The following GAREM1 variants were observed in gnomAD, a reference collection of about 807,000 sequenced individuals.
GAREM1 encodes the protein GRB2 associated regulator of MAPK1 subtype 1, also known as GRB2-associated and regulator of MAPK protein 1.
In GAREM1, 26 loss-of-function variants were observed where a neutral mutation model predicts 71.3. The ratio of observed to expected loss-of-function variants is 0.36; its 90% CI spans 0.27 to 0.51. The LOEUF is 0.51. Among genes scored for constraint, GAREM1 ranks in the 20% least tolerant of loss-of-function variants. The pLI is 0.95. For missense variants in GAREM1, 1,026 were observed against 1,103.1 expected, an observed-to-expected ratio of 0.93 and a Z score of 0.99; for synonymous variants, 440 against 433.2, an observed-to-expected ratio of 1.02 and a Z score of -0.20.
chr18:32,405,959 A>G (rs2048361624), intron 1 of GAREM1, among the ~76,000 whole-genome samples: 1 of 152,194 alleles, frequency 6.6e-6, no homozygotes, highest in South Asian at 2.1e-4. Context: ...TAGCCTACCC[A>G]AACTAAAACA....
chr18:32,424,905 GCA>G (rs1380779616), intron 1 of GAREM1, among the ~76,000 whole-genome samples: 1 of 152,008 alleles, frequency 6.6e-6, no homozygotes, highest in Non-Finnish European at 1.5e-5. Context: ...TTGTAATTTG[GCA>G]CAGACAACAT....
intron 2 of GAREM1, among the ~76,000 whole-genome samples, chr18:32,332,713 C>T (rs635483): frequency 0.15 from 22,995 of 152,110 alleles, 1,817 homozygotes; most frequent in African/African-American, 0.2. Context: ...CACCATCTGA[C>T]GGGACACTGT....
chr18:32,430,329 A>G (rs2048611693), intron 1 of GAREM1, among the ~76,000 whole-genome samples: 1 of 152,256 alleles, frequency 6.6e-6, no homozygotes, highest in Admixed American at 6.5e-5. Flanking sequence ...TAGTAGTTTT[A>G]GAAACAGTGT....
At chr18:32,273,982 G>C (rs976292490) in intron 4 of GAREM1, among the ~76,000 whole-genome samples, 19 of 152,142 alleles carry the variant, frequency 1.2e-4, no homozygotes, top group African/African-American at 3.9e-4. Context: ...CAAGAATTTT[G>C]AGTGTCATTC....
intron 3 of GAREM1, among the ~76,000 whole-genome samples, chr18:32,294,087 CTT>C (rs1402725141): frequency 6.6e-6 from 1 of 152,138 alleles, no homozygotes; most frequent in Non-Finnish European, 1.5e-5. Flanking sequence ...ATAAAGTACA[CTT>C]TTGGGACATC....
At chr18:32,365,714 T>TCTGC (rs1358240621) in intron 2 of GAREM1, among the ~76,000 whole-genome samples, 5 of 152,178 alleles carry the variant, frequency 3.3e-5, no homozygotes, top group Non-Finnish European at 7.3e-5. Flanking sequence ...ATCTTCCAAC[T>TCTGC]CTGCCACCAG....
At chr18:32,350,769 A>T (rs576510066) in intron 2 of GAREM1, among the ~76,000 whole-genome samples, 55 of 152,296 alleles carry the variant, frequency 3.6e-4, no homozygotes, top group African/African-American at 1.2e-3. Context: ...CAACCAAGTG[A>T]TGGCCTTCTG....
intron 1 of GAREM1, among the ~76,000 whole-genome samples, chr18:32,434,881 G>A (rs992125106): frequency 3.9e-5 from 6 of 152,040 alleles, no homozygotes; most frequent in Non-Finnish European, 8.8e-5. Flanking sequence ...ATTATAAAGA[G>A]AGCAGTAGTA....
chr18:32,461,504 T>C (rs1428600940), intron 1 of GAREM1, among the ~76,000 whole-genome samples: 2 of 152,002 alleles, frequency 1.3e-5, no homozygotes, highest in Non-Finnish European at 2.9e-5. Flanking sequence ...AAGACCAGTC[T>C]GGGCACACAG....
intron 1 of GAREM1, chr18:32,413,201 A>G: frequency 6.2e-7 from 1 of 1,605,610 alleles, no homozygotes; most frequent in Admixed American, 1.7e-5. Flanking sequence ...GAGAGACTTT[A>G]ACGATGCTTC....
chr18:32,453,135 C>T (rs908255610), intron 1 of GAREM1, among the ~76,000 whole-genome samples: 2 of 151,902 alleles, frequency 1.3e-5, no homozygotes, highest in African/African-American at 2.4e-5. Flanking sequence ...CTTACGCGGC[C>T]GCAGGAAGAA....
intron 2 of GAREM1, among the ~76,000 whole-genome samples, chr18:32,355,966 T>C (rs1413650614): frequency 6.6e-6 from 1 of 152,226 alleles, no homozygotes; most frequent in African/African-American, 2.4e-5. Context: ...TTCAACCACA[T>C]TCTATTGCCT....
At chr18:32,322,043 G>A (rs1446509736) in intron 2 of GAREM1, among the ~76,000 whole-genome samples, 1 of 152,144 alleles carries the variant, frequency 6.6e-6, no homozygotes, top group African/African-American at 2.4e-5. Flanking sequence ...GACTAGCTAT[G>A]GAAACAAAGA....
chr18:32,388,117 G>C (rs1242257792), intron 2 of GAREM1, among the ~76,000 whole-genome samples: 1 of 152,168 alleles, frequency 6.6e-6, no homozygotes, highest in African/African-American at 2.4e-5. Flanking sequence ...ATGTCACAGA[G>C]ACACAGGTGC....
rs1465028800 is a variant in GAREM1, at chr18:32,287,425, T to A, written c.1172A>T (p.Tyr391Phe). 3.7e-6 allele frequency: 6 copies of A among 1,614,070 alleles called. No homozygotes were observed. In the African/African-American group the frequency reaches 8.0e-5, roughly 22 times the overall value. The change falls in exon 4 of 6, where the codon TAT becomes TTT. Residue 391 changes from tyrosine to phenylalanine, a missense_variant. Physicochemically the swap from Tyr to Phe is conservative, Grantham distance 22. Coordinates refer to ENST00000269209, the MANE Select transcript of GAREM1 (RefSeq NM_001242409.2). The surrounding 1 kb of genome is among the most constrained non-coding windows in gnomAD (Gnocchi z 5.9). The part of the protein sequence containing the change: ...QSFHRLSVCV[Y>F]GNNLHGNSEV... ...ACTGTTGCCATGGAGATTGTTGCCA[T>A]ACACACAGACCGAGAGTCGGTGGAA...
intron 1 of GAREM1, among the ~76,000 whole-genome samples, chr18:32,460,883 CATA>C (rs2048949088): frequency 6.6e-6 from 1 of 152,064 alleles, no homozygotes; most frequent in African/African-American, 2.4e-5. Flanking sequence ...CATGGAAACA[CATA>C]ATATGTAAAG....
chr18:32,276,591 A>G (rs2041546010), intron 4 of GAREM1, among the ~76,000 whole-genome samples: 1 of 152,218 alleles, frequency 6.6e-6, no homozygotes, highest in Admixed American at 6.5e-5. Context: ...TTTTACTGAG[A>G]AAGTCTTAGG....
At chr18:32,372,380 A>G (rs1470644792) in intron 2 of GAREM1, among the ~76,000 whole-genome samples, 1 of 152,194 alleles carries the variant, frequency 6.6e-6, no homozygotes, top group African/African-American at 2.4e-5. Flanking sequence ...GCTTCTTACT[A>G]CTGAGAAACA....
intron 1 of GAREM1, among the ~76,000 whole-genome samples, chr18:32,427,173 A>T (rs1177543843): frequency 6.6e-6 from 1 of 152,190 alleles, no homozygotes; most frequent in Non-Finnish European, 1.5e-5. Flanking sequence ...TCAATAAAAG[A>T]GATATCAAAT....
Sources: allele counts gnomAD v4.1 joint callset (sites outside exome capture counted in the v4.1 genomes callset), GRCh38; gene constraint gnomAD v4.1.1; non-coding constraint Gnocchi (gnomAD v3.1); transcripts MANE v1.5; gene names NCBI Gene and HGNC (gene_info 2026-07-23, HGNC 2026-07-21).